Variants in COL12A1 observed in about 807,000 individuals in gnomAD.
The protein encoded by COL12A1 is collagen alpha-1(XII) chain.
A neutral mutation model predicts 349.7 loss-of-function variants in COL12A1; 114 were observed. The ratio of observed to expected loss-of-function variants is 0.33; its 90% confidence interval spans 0.28 to 0.38. COL12A1 has a LOEUF of 0.38. Ranked by LOEUF, COL12A1 falls within the 10% of genes least tolerant of loss-of-function variation. The pLI, the probability that COL12A1 is intolerant of heterozygous loss-of-function variation, is 1.00. For missense variants in COL12A1, 3,284 were observed against 3,756.9 expected, an observed-to-expected ratio of 0.87 and a Z score of 3.29; for synonymous variants, 1,369 against 1,329.0, an observed-to-expected ratio of 1.03 and a Z score of -0.66.
At chr6:75,122,223 A>G (rs1291638308) in intron 43 of COL12A1, among the ~76,000 whole-genome samples, 3 of 152,214 alleles carry the variant, frequency 2.0e-5, no homozygotes, top group Non-Finnish European at 4.4e-5. Flanking sequence ...CTAGACTTAG[A>G]GGCTAAGAAA....
intron 26 of COL12A1, 65 bp from the exon 27 acceptor site, chr6:75,142,226 G>T (rs1473368471): frequency 6.3e-7 from 1 of 1,575,042 alleles, no homozygotes; most frequent in South Asian, 1.1e-5. Context: ...TCTCTCTGTT[G>T]TTTACTGTAC....
At chr6:75,150,936 T>C (rs146025073) in intron 21 of COL12A1, among the ~76,000 whole-genome samples, 5 of 152,302 alleles carry the variant, frequency 3.3e-5, no homozygotes, top group Non-Finnish European at 4.4e-5. Flanking sequence ...AGTTTTTTTC[T>C]GCAGCAGACA....
intron 49 of COL12A1, among the ~76,000 whole-genome samples, chr6:75,115,197 T>C (rs887608069): frequency 6.6e-5 from 10 of 152,128 alleles, no homozygotes; most frequent in African/African-American, 1.9e-4. Context: ...TTTCCATAAA[T>C]TGGCAAACAT....
chr6:75,184,204 T>C (rs1298109713), intron 8 of COL12A1, 60 bp from the exon 9 acceptor site: 2 of 1,535,118 alleles, frequency 1.3e-6, no homozygotes, highest in East Asian at 2.3e-5. Flanking sequence ...ACTAATTTGG[T>C]CTTTAGGTTT....
intron 60 of COL12A1, among the ~76,000 whole-genome samples, chr6:75,094,170 T>A (rs1767898533): frequency 6.6e-6 from 1 of 152,196 alleles, no homozygotes; most frequent in Admixed American, 6.5e-5. Flanking sequence ...GCAAGCCATA[T>A]CACATAAATG....
intron 2 of COL12A1, among the ~76,000 whole-genome samples, chr6:75,198,372 T>C (rs1770340240): frequency 6.6e-6 from 1 of 151,660 alleles, no homozygotes; most frequent in Non-Finnish European, 1.5e-5. Context: ...AATATATACC[T>C]ATATTTGTAA....
chr6:75,175,327 C>A lies in COL12A1; in HGVS notation c.2438-17G>T. The A allele has an allele frequency of 6.2e-7, 1 of 1,603,548 alleles. No homozygotes were observed. Among genetic ancestry groups the A allele is most frequent in the Non-Finnish European group, 8.5e-7 (1 of 1,175,638 alleles). On this transcript the variant is annotated splice_polypyrimidine_tract_variant and intron_variant, in intron 12 of 65. Coordinates refer to ENST00000322507, the MANE Select transcript of COL12A1 (RefSeq NM_004370.6). ...TCCCTCTAACTTCATTAAAAAATGA[C>A]AACATCATCAAAACCCATTATTTAA...
chr6:75,170,695 C>A (rs531093752), intron 13 of COL12A1, among the ~76,000 whole-genome samples: 65 of 152,304 alleles, frequency 4.3e-4, no homozygotes, highest in African/African-American at 1.4e-3. Context: ...AGTTCCCTGG[C>A]AACGTCAGAG....
At chr6:75,199,555 T>C (rs1409459595) in intron 2 of COL12A1, among the ~76,000 whole-genome samples, 2 of 152,194 alleles carry the variant, frequency 1.3e-5, no homozygotes, top group Non-Finnish European at 2.9e-5. Context: ...CTAGATTAAT[T>C]AGAAAAGTGC....
chr6:75,121,488 T>C (rs1157262925), intron 43 of COL12A1, 47 bp from the exon 44 acceptor site: 3 of 1,470,734 alleles, frequency 2.0e-6, no homozygotes, highest in Non-Finnish European at 2.7e-6. Flanking sequence ...ATGAATTCTT[T>C]CATTTAAATG....
In COL12A1 at chr6:75,119,481, A is replaced by G; in HGVS notation, c.7087-8T>C. On this transcript the variant is annotated splice_polypyrimidine_tract_variant and splice_region_variant and intron_variant, in intron 44 of 65. Coordinates refer to ENST00000322507, the MANE Select transcript of COL12A1 (RefSeq NM_004370.6). ...GTATTGCACAAATGAAACCTGAAGGAAAATGTGATTTGGCAGTGAGCATAA... is the reference window on the plus strand; with the variant it reads ...GTATTGCACAAATGAAACCTGAAGGGAAATGTGATTTGGCAGTGAGCATAA... The G allele has an allele frequency of 3.1e-6, 5 of 1,597,998 alleles. No individual in the cohort carries two copies. The highest frequency in any genetic ancestry group is 4.3e-6 in the Non-Finnish European group (5 of 1,172,936).
Position 75,133,355 on chromosome 6 carries a change from A to G in COL12A1, c.5732T>C (p.Val1911Ala), listed in dbSNP as rs748772546. 6 of 1,612,650 alleles carry G rather than the reference A, an allele frequency of 3.7e-6. No individual in the cohort carries two copies. Among genetic ancestry groups the G allele is most frequent in the Non-Finnish European group, 4.2e-6 (5 of 1,179,326 alleles). Residue 1911 changes from valine to alanine, a missense_variant, in exon 34 of 66, where the codon GTG (valine) becomes GCG (alanine). This residue lies in a region of COL12A1 where 2,601 missense variants were observed against 2,824.8 expected (regional missense o/e 0.92). Coordinates refer to ENST00000322507, the MANE Select transcript of COL12A1 (RefSeq NM_004370.6). ...TTCAGTATAAACGGGAACTACAGTC[A>G]CAGTGTATGAGGTATCTGGCTGCAG... Reference protein sequence around the residue: ...RNLQPDTSYTVTVVPVYTEGD... With the variant: ...RNLQPDTSYTATVVPVYTEGD...
intron 32 of COL12A1, among the ~76,000 whole-genome samples, chr6:75,134,425 G>T (rs1171831474): frequency 4.6e-5 from 7 of 151,860 alleles, no homozygotes; most frequent in Admixed American, 4.6e-4. Context: ...TAAAAAATTA[G>T]CCGGGTGTGG....
intron 14 of COL12A1, among the ~76,000 whole-genome samples, chr6:75,165,105 A>G (rs1768221544): frequency 6.6e-6 from 1 of 152,108 alleles, no homozygotes; most frequent in Non-Finnish European, 1.5e-5. Flanking sequence ...TCTAAGAGAC[A>G]AGATTTATTA....
At chr6:75,166,166 CA>C in intron 13 of COL12A1, among the ~76,000 whole-genome samples, 1 of 152,242 alleles carries the variant, frequency 6.6e-6, no homozygotes, top group Non-Finnish European at 1.5e-5. Context: ...CCATTGTTCA[CA>C]AAGATCTTTA....
chr6:75,199,548 G>A (rs1432595644), intron 2 of COL12A1, among the ~76,000 whole-genome samples: 3 of 152,106 alleles, frequency 2.0e-5, no homozygotes, highest in Non-Finnish European at 2.9e-5. Flanking sequence ...TCTAATCCTA[G>A]ATTAATTAGA....
chr6:75,200,835 T>C (rs895775997), intron 2 of COL12A1, among the ~76,000 whole-genome samples: 1 of 152,108 alleles, frequency 6.6e-6, no homozygotes, highest in Non-Finnish European at 1.5e-5. Flanking sequence ...ATATTTCTAT[T>C]TGACAATGCC....
intron 14 of COL12A1, among the ~76,000 whole-genome samples, chr6:75,162,968 G>T (rs552993345): frequency 5.5e-4 from 83 of 152,194 alleles, no homozygotes; most frequent in African/African-American, 1.9e-3. Context: ...TGAGATATCA[G>T]CTCACACCAG....
Position 75,151,268 on chromosome 6 carries a change from T to C in COL12A1, c.4020A>G (p.Glu1340=), listed in dbSNP as rs1582137847. 3.1e-6 allele frequency: 5 copies of C among 1,613,086 alleles called. No homozygotes were observed. The highest frequency in any genetic ancestry group is 4.2e-6 in the Non-Finnish European group (5 of 1,179,370). The change falls in exon 21 of 66, where the codon GAA becomes GAG. Residue 1340 remains glutamate (E), a synonymous_variant. Coordinates refer to ENST00000322507, the MANE Select transcript of COL12A1 (RefSeq NM_004370.6). ...LFAIGIKNAD[E]VELKMIATDP... ...CAGTTGCAATCATCTTTAATTCGAC[T>C]TCATCAGCATTTTTAATACCTTCAA...
Sources: gnomAD v4.1 joint callset for allele counts (sites outside exome capture counted in the v4.1 genomes callset) on GRCh38, gnomAD v4.1.1 for gene constraint, gnomAD v4.1.1 regional missense constraint, MANE v1.5 for transcripts, NCBI Gene and HGNC (gene_info 2026-07-23, HGNC 2026-07-21) for gene names.